PHIP: variants seen among roughly 807,000 people sequenced by gnomAD.
PHIP encodes PHIP subunit of CUL4-Ring ligase complex, also known as PH-interacting protein.
In PHIP, 54 loss-of-function variants were observed where a neutral mutation model predicts 236.8. That is an observed-to-expected ratio of 0.23 (90% CI 0.18 to 0.29). PHIP has a LOEUF of 0.29. Among genes scored for constraint, PHIP ranks in the 10% least tolerant of loss-of-function variants. The pLI is 1.00. For synonymous variants in PHIP, 756 were observed against 718.9 expected, an observed-to-expected ratio of 1.05 and a Z score of -0.83; for missense variants, 1,370 against 2,190.8, an observed-to-expected ratio of 0.63 and a Z score of 7.48.
chr6:78,989,187 G>C (rs1407487537), intron 20 of PHIP, among the ~76,000 whole-genome samples: 1 of 152,168 alleles, frequency 6.6e-6, no homozygotes, highest in Non-Finnish European at 1.5e-5. Flanking sequence ...GGCCAATGTG[G>C]GAGAATCCTG....
chr6:79,047,258 C>T (rs1247575757), intron 6 of PHIP, among the ~76,000 whole-genome samples: 3 of 152,086 alleles, frequency 2.0e-5, no homozygotes, highest in Non-Finnish European at 2.9e-5. Context: ...TGTGACTATG[C>T]GCATATTCAG....
At position 79,059,014 on chromosome 6, in the gene PHIP, T is replaced by C. The variant is rs577747506; in HGVS notation, c.439+1464A>G. 1.8e-3 allele frequency among the ~76,000 whole-genome samples: 279 copies of C among 152,160 alleles called. 1 individual carries two copies. Among genetic ancestry groups the C allele is most frequent in the Non-Finnish European group, 2.9e-3 (199 of 67,962 alleles). On this transcript the variant is annotated intron_variant, in intron 6 of 39. Transcript: ENST00000275034. ...AATTTTTTTGTTGTTTTAATGGTTG[T>C]TTATTATAGCAAGATTATATATTGA...
chr6:78,962,382 A>C (rs1766841381), intron 30 of PHIP, among the ~76,000 whole-genome samples: 1 of 152,184 alleles, frequency 6.6e-6, no homozygotes, highest in Non-Finnish European at 1.5e-5. Context: ...ATAATACTTA[A>C]TATCCTAAAA....
chr6:79,069,407 AAC>A (rs1435452571), intron 4 of PHIP, among the ~76,000 whole-genome samples: 4 of 152,058 alleles, frequency 2.6e-5, no homozygotes, highest in Middle Eastern at 3.4e-3. Flanking sequence ...TCCACAGAAA[AAC>A]AGAGTACTTA....
At position 78,943,171 on chromosome 6, in the gene PHIP, A is replaced by C. The variant is rs189460715; in HGVS notation, c.4829-1841T>G. 1.3e-3 allele frequency among the ~76,000 whole-genome samples: 197 copies of C among 152,324 alleles called. 2 individuals carry two copies. The highest frequency in any genetic ancestry group is 0.012 in the South Asian group (57 of 4,828). On this transcript the variant is annotated intron_variant, in intron 39 of 39. Coordinates refer to ENST00000275034, the MANE Select transcript of PHIP (RefSeq NM_017934.7). ...TTTTACTGAACATGGTGAGTACAAAATTTAAAATTACATATATGGCTTGTA... is the reference window on the plus strand; with the variant it reads ...TTTTACTGAACATGGTGAGTACAAACTTTAAAATTACATATATGGCTTGTA...
chr6:78,960,238 T>C (rs1766687494), intron 31 of PHIP, among the ~76,000 whole-genome samples: 1 of 152,202 alleles, frequency 6.6e-6, no homozygotes, highest in Admixed American at 6.6e-5. Context: ...GCAATTATCA[T>C]GTTGAGCAAT....
At chr6:79,074,869 T>C (rs993074574) in intron 4 of PHIP, among the ~76,000 whole-genome samples, 4 of 152,146 alleles carry the variant, frequency 2.6e-5, no homozygotes, top group African/African-American at 9.6e-5. Context: ...AATTCACATC[T>C]ACAAATATTA....
chr6:79,030,366 G>A (rs567726603), intron 7 of PHIP, among the ~76,000 whole-genome samples: 20 of 152,210 alleles, frequency 1.3e-4, no homozygotes, highest in African/African-American at 4.8e-4. Flanking sequence ...AATACTCAAG[G>A]GAAAACTAAG....
At chr6:79,039,083 TAG>T (rs1334136151) in intron 7 of PHIP, among the ~76,000 whole-genome samples, 1 of 152,194 alleles carries the variant, frequency 6.6e-6, no homozygotes, top group African/African-American at 2.4e-5. Flanking sequence ...TCTCTGTATA[TAG>T]AGTTAGTTTG....
intron 24 of PHIP, among the ~76,000 whole-genome samples, chr6:78,974,121 T>G (rs949831803): frequency 1.4e-4 from 22 of 151,858 alleles, no homozygotes; most frequent in Non-Finnish European, 2.7e-4. Context: ...ACCACATACT[T>G]GGAAGTAAAG....
chr6:78,957,638 A>G (rs946761122), intron 32 of PHIP: 1 of 151,840 alleles, frequency 6.6e-6, no homozygotes. Context: ...ATGAAAGCTG[A>G]TAACAGCTAA....
intron 21 of PHIP, 51 bp downstream of exon 21, chr6:78,988,158 A>T (rs752326691): frequency 3.7e-6 from 5 of 1,335,612 alleles, no homozygotes; most frequent in South Asian, 1.6e-5. Flanking sequence ...ACTCATATTT[A>T]AAAAAATAAG....
At chr6:78,962,157 C>G (rs1311922369) in intron 30 of PHIP, among the ~76,000 whole-genome samples, 1 of 152,148 alleles carries the variant, frequency 6.6e-6, no homozygotes, top group Non-Finnish European at 1.5e-5. Flanking sequence ...ATTATTAACA[C>G]TGTAACATAC....
intron 4 of PHIP, among the ~76,000 whole-genome samples, chr6:79,072,632 C>T (rs987234125): frequency 6.6e-6 from 1 of 151,930 alleles, no homozygotes; most frequent in Admixed American, 6.6e-5. Flanking sequence ...TACAGGCATG[C>T]GCCACTACAC....
intron 24 of PHIP, among the ~76,000 whole-genome samples, chr6:78,976,383 ATTAAAGAC>A (rs1768063434): frequency 7.5e-6 from 1 of 133,038 alleles, no homozygotes; most frequent in Admixed American, 7.8e-5. Context: ...TTCAAGATGG[ATTAAAGAC>A]TTAAACGTTA....
In PHIP at chr6:78,982,871, T is replaced by C. The variant is rs904127810; in HGVS notation, c.2769+15A>G. ...TCTCTAGAAAACACCAAATTTGTAA[T>C]GTTAAAAACCAAACCTTTTGTTTTC... On this transcript the variant is annotated intron_variant, in intron 23 of 39. Transcript: ENST00000275034. 6.8e-6 allele frequency: 10 copies of C among 1,479,406 alleles called. No homozygotes were observed. Among genetic ancestry groups the C allele is most frequent in the East Asian group, 4.5e-5 (2 of 44,080 alleles). The allele number at this position is 1,479,406 out of a possible 1,614,324, so 91.6% of individuals were successfully genotyped here.
chr6:79,037,163 A>G (rs887825245), intron 7 of PHIP, among the ~76,000 whole-genome samples: 2 of 151,900 alleles, frequency 1.3e-5, no homozygotes, highest in Non-Finnish European at 2.9e-5. Context: ...ACCCATATAC[A>G]CTATATTTAA....
intron 9 of PHIP, among the ~76,000 whole-genome samples, chr6:79,024,134 T>C (rs1020470759): frequency 1.3e-4 from 20 of 152,198 alleles, no homozygotes; most frequent in African/African-American, 4.8e-4. Context: ...TGAAGTAGTT[T>C]TGTTACTCGA....
At chr6:79,001,851 T>A (rs1300230504) in intron 17 of PHIP, 48 bp downstream of exon 17, 2 of 1,225,926 alleles carry the variant, frequency 1.6e-6, no homozygotes, top group Admixed American at 3.4e-5. Context: ...ATTTTAACAG[T>A]TCGGTGGGAA....
Sources: gnomAD v4.1 joint callset for allele counts (sites outside exome capture counted in the v4.1 genomes callset) on GRCh38, gnomAD v4.1.1 for gene constraint, MANE v1.5 for transcripts, NCBI Gene and HGNC (gene_info 2026-07-23, HGNC 2026-07-21) for gene names.